The following SLC22A3 variants were observed in gnomAD, a reference collection of about 807,000 sequenced individuals.
SLC22A3 encodes the protein EMT organic cation transporter 3.
A neutral mutation model predicts 59.1 loss-of-function variants in SLC22A3; 51 were observed. That is an observed-to-expected ratio of 0.86 (90% confidence interval 0.69 to 1.09). The LOEUF is 1.09. Ranked by LOEUF, SLC22A3 falls within the 50% of genes least tolerant of loss-of-function variation. The pLI is 0.00. For missense variants in SLC22A3, 711 were observed against 726.3 expected, an observed-to-expected ratio of 0.98 and a Z score of 0.24; for synonymous variants, 325 against 292.0, an observed-to-expected ratio of 1.11 and a Z score of -1.15.
In SLC22A3 at chr6:160,418,047, G is replaced by C. The variant is rs77596182; in HGVS notation, c.975+7201G>C. On this transcript the variant is annotated intron_variant, in intron 5 of 10. Transcript: ENST00000275300. ...TGATGGTAAAGTGTCAACTTGATTGGATTGAAGGATGCCTAGATAGCTGGG... is the reference window on the plus strand; with the variant it reads ...TGATGGTAAAGTGTCAACTTGATTGCATTGAAGGATGCCTAGATAGCTGGG... Among the ~76,000 whole-genome samples the C allele has an allele frequency of 1.9e-3, 288 of 152,278 alleles. 5 individuals are homozygous for C. The South Asian group carries it at 0.036, about 19-fold the overall frequency.
intron 1 of SLC22A3, among the ~76,000 whole-genome samples, chr6:160,392,887 G>C (rs1309558069): frequency 6.7e-6 from 1 of 148,958 alleles, no homozygotes; most frequent in East Asian, 1.9e-4. Context: ...GACAGTATCA[G>C]TGATTATTAT....
intron 5 of SLC22A3, among the ~76,000 whole-genome samples, chr6:160,428,993 G>A (rs898259747): frequency 3.9e-5 from 6 of 152,220 alleles, no homozygotes; most frequent in African/African-American, 1.2e-4. Context: ...GCTGGTCCTC[G>A]TCTGACTAAT....
At chr6:160,440,126 C>T (rs1478248038) in intron 7 of SLC22A3, among the ~76,000 whole-genome samples, 1 of 152,212 alleles carries the variant, frequency 6.6e-6, no homozygotes, top group African/African-American at 2.4e-5. Context: ...ATTCTCATCT[C>T]AGACTCACTG....
chr6:160,369,616 A>G (rs1785328162), intron 1 of SLC22A3, among the ~76,000 whole-genome samples: 1 of 152,258 alleles, frequency 6.6e-6, no homozygotes, highest in Non-Finnish European at 1.5e-5. Flanking sequence ...AGATAAAAGT[A>G]AGGAAGCTTT....
intron 1 of SLC22A3, among the ~76,000 whole-genome samples, chr6:160,377,065 A>G (rs1228730740): frequency 6.6e-6 from 1 of 152,198 alleles, no homozygotes; most frequent in African/African-American, 2.4e-5. Context: ...AATTTGGGAA[A>G]GATGCTGTTG....
chr6:160,386,235 ACT>A (rs1210533504), intron 1 of SLC22A3, among the ~76,000 whole-genome samples: 2 of 149,818 alleles, frequency 1.3e-5, no homozygotes, highest in Admixed American at 1.3e-4. Context: ...CATATATCTC[ACT>A]CTCTGTTTTC....
Position 160,451,371 on chromosome 6 carries a change from A to C in SLC22A3, c.*315A>C, listed in dbSNP as rs959774118. 1 of 318,128 alleles carries C rather than the reference A, an allele frequency of 3.1e-6. No homozygotes were observed. Among genetic ancestry groups the C allele is most frequent in the Admixed American group, 4.3e-5 (1 of 23,150 alleles). The allele number at this position is 318,128 out of a possible 1,614,324, so 19.7% of individuals were successfully genotyped here. A position where few individuals can be genotyped will look rare whatever the true frequency, so the allele number is the denominator to read the frequency against. ...ACCCATTAGGCTAAAGAGAGACAAG[A>C]GAAGCCCCCAACCTGATTCTCATGA... is the stretch of plus-strand genomic sequence containing the variant. On this transcript the variant is annotated 3_prime_UTR_variant, in exon 11 of 11. Coordinates refer to ENST00000275300, the MANE Select transcript of SLC22A3 (RefSeq NM_021977.4).
At chr6:160,355,703 C>T (rs1021638737) in intron 1 of SLC22A3, among the ~76,000 whole-genome samples, 1 of 151,988 alleles carries the variant, frequency 6.6e-6, no homozygotes, top group African/African-American at 2.4e-5. Flanking sequence ...ACCCGGGAGG[C>T]GGAGCTTGCA....
intron 1 of SLC22A3, among the ~76,000 whole-genome samples, chr6:160,374,979 G>A (rs1283867450): frequency 3.3e-5 from 5 of 152,142 alleles, no homozygotes; most frequent in African/African-American, 7.2e-5. Flanking sequence ...GCAAGAGCAC[G>A]TGCAGACTGT....
Position 160,383,973 on chromosome 6 carries a change from A to C in SLC22A3, c.430-14006A>C, listed in dbSNP as rs544175065. On this transcript the variant is annotated intron_variant, in intron 1 of 10. Coordinates refer to ENST00000275300, the MANE Select transcript of SLC22A3 (RefSeq NM_021977.4). Reference sequence around the variant, plus strand: ...GGGATGGAGTCTCACTCTGTCACCCAGGCTGGAGTGCAGTGGTGCCATCTC... The same window carrying C: ...GGGATGGAGTCTCACTCTGTCACCCCGGCTGGAGTGCAGTGGTGCCATCTC... 2.0e-5 allele frequency among the ~76,000 whole-genome samples: 3 copies of C among 152,322 alleles called. No individual in the cohort carries two copies. In the South Asian group the frequency reaches 6.2e-4, roughly 32 times the overall value.
At chr6:160,443,083 A>G (rs549854721) in intron 8 of SLC22A3, among the ~76,000 whole-genome samples, 1 of 152,350 alleles carries the variant, frequency 6.6e-6, no homozygotes, top group East Asian at 1.9e-4. Context: ...TCATATTAAT[A>G]TCTTCACACA....
chr6:160,402,335 C>T (rs1424219238), intron 2 of SLC22A3, among the ~76,000 whole-genome samples: 1 of 151,682 alleles, frequency 6.6e-6, no homozygotes, highest in Non-Finnish European at 1.5e-5. Context: ...TCCAAGAAGC[C>T]AATAATCCTT....
At chr6:160,367,129 T>C (rs972333009) in intron 1 of SLC22A3, among the ~76,000 whole-genome samples, 4 of 152,180 alleles carry the variant, frequency 2.6e-5, no homozygotes, top group African/African-American at 9.7e-5. Context: ...CTGGGTAATA[T>C]ATAAAGGAAA....
intron 7 of SLC22A3, among the ~76,000 whole-genome samples, chr6:160,438,579 AAC>A (rs536527195): frequency 4.5e-4 from 41 of 91,652 alleles, no homozygotes; most frequent in Admixed American, 1.1e-3. Context: ...CAATATTCGG[AAC>A]ACACACACAC....
intron 2 of SLC22A3, among the ~76,000 whole-genome samples, chr6:160,405,017 G>A (rs1046483715): frequency 2.6e-5 from 4 of 151,760 alleles, no homozygotes; most frequent in African/African-American, 9.7e-5. Flanking sequence ...AACACCAAAA[G>A]CATAATCCAT....
At chr6:160,447,656 C>A (rs749459690) in intron 9 of SLC22A3, 63 bp from the exon 10 acceptor site, 88 of 577,124 alleles carry the variant, frequency 1.5e-4, no homozygotes, top group Non-Finnish European at 2.2e-4. Flanking sequence ...AGTGAGCAGG[C>A]CCCATGGGAG....
intron 1 of SLC22A3, among the ~76,000 whole-genome samples, chr6:160,377,864 T>C (rs976091951): frequency 1.3e-5 from 2 of 152,234 alleles, no homozygotes; most frequent in African/African-American, 2.4e-5. Context: ...AGTTCACTAT[T>C]TTTAACCTGT....
chr6:160,350,058 G>A (rs894225665), intron 1 of SLC22A3, among the ~76,000 whole-genome samples: 2 of 152,188 alleles, frequency 1.3e-5, no homozygotes, highest in Non-Finnish European at 2.9e-5. Flanking sequence ...GTGCTGGTGT[G>A]TTCGCACAGT....
At position 160,395,226 on chromosome 6, in the gene SLC22A3, G is replaced by A. The variant is rs191171276; in HGVS notation, c.430-2753G>A. Among the ~76,000 whole-genome samples the A allele has an allele frequency of 1.4e-4, 21 of 152,290 alleles. No homozygotes were observed. The South Asian group carries it at 3.5e-3, about 26-fold the overall frequency. On this transcript the variant is annotated intron_variant, in intron 1 of 10. Coordinates refer to ENST00000275300, the MANE Select transcript of SLC22A3 (RefSeq NM_021977.4). Reference sequence around the variant, plus strand: ...TATGGGACAGTCAAGAAGATAATCAGTATTATATTAAAGAATATTTTATGG... The same window carrying A: ...TATGGGACAGTCAAGAAGATAATCAATATTATATTAAAGAATATTTTATGG...
Sources: allele counts gnomAD v4.1 joint callset (sites outside exome capture counted in the v4.1 genomes callset), GRCh38; gene constraint gnomAD v4.1.1; transcripts MANE v1.5; gene names NCBI Gene and HGNC (gene_info 2026-07-23, HGNC 2026-07-21).